WHRN: variants seen among roughly 807,000 people sequenced by gnomAD.
The protein encoded by WHRN is CASK-interacting protein CIP98.
Under a neutral mutation model 68.3 loss-of-function variants are expected in WHRN, and 41 were observed. The observed-to-expected ratio is 0.60, with a 90% CI of 0.47 to 0.78. The LOEUF is 0.78. Among genes scored for constraint, WHRN ranks in the 30% least tolerant of loss-of-function variants. WHRN has a pLI of 0.00. For synonymous variants in WHRN, 560 were observed against 561.3 expected (o/e 1.00, Z 0.03); for missense variants, 1,243 against 1,244.7 (o/e 1.00, Z 0.02).
intron 4 of WHRN, chr9:114,425,951 G>A: frequency 1.8e-6 from 1 of 546,906 alleles, no homozygotes; most frequent in Non-Finnish European, 3.3e-6. Flanking sequence ...AAGCAACTAA[G>A]GTCTATAGAA....
intron 3 of WHRN, among the ~76,000 whole-genome samples, chr9:114,463,953 C>T (rs546814534): frequency 2.0e-5 from 3 of 152,092 alleles, no homozygotes; most frequent in Admixed American, 6.5e-5. Flanking sequence ...TGCAACTCTC[C>T]GAGCCTCACC....
intron 3 of WHRN, among the ~76,000 whole-genome samples, chr9:114,450,543 G>A (rs909693659): frequency 1.3e-4 from 20 of 152,110 alleles, no homozygotes; most frequent in Admixed American, 4.6e-4. Flanking sequence ...AGACTCATGC[G>A]GTTACCTTAC....
intron 3 of WHRN, among the ~76,000 whole-genome samples, chr9:114,455,538 C>G (rs951047007): frequency 6.6e-6 from 1 of 151,872 alleles, no homozygotes; most frequent in Non-Finnish European, 1.5e-5. Flanking sequence ...TGACAAAACT[C>G]TTTCTGTACA....
intron 7 of WHRN, among the ~76,000 whole-genome samples, chr9:114,414,862 G>A (rs574476249): frequency 8.5e-5 from 13 of 152,188 alleles, no homozygotes; most frequent in Admixed American, 7.9e-4. Flanking sequence ...TATCATCCTC[G>A]ATATGCCCTC....
chr9:114,416,691 A>C (rs1357921307), intron 7 of WHRN, among the ~76,000 whole-genome samples: 2 of 152,192 alleles, frequency 1.3e-5, no homozygotes, highest in Non-Finnish European at 2.9e-5. Flanking sequence ...TAAATTTCCC[A>C]GTCTCAGGCA....
At chr9:114,481,317 G>T (rs1039300280) in intron 1 of WHRN, among the ~76,000 whole-genome samples, 2 of 152,236 alleles carry the variant, frequency 1.3e-5, no homozygotes, top group South Asian at 4.1e-4. Flanking sequence ...CGAGGATGGC[G>T]TCTCTCCAAA....
chr9:114,438,312 A>G (rs1014342089), intron 3 of WHRN, among the ~76,000 whole-genome samples: 10 of 152,164 alleles, frequency 6.6e-5, no homozygotes, highest in Non-Finnish European at 1.3e-4. Context: ...ACATCAAGGT[A>G]CCATTTCTCA....
At chr9:114,430,538 C>T (rs1219371346) in intron 3 of WHRN, among the ~76,000 whole-genome samples, 2 of 152,142 alleles carry the variant, frequency 1.3e-5, no homozygotes, top group Non-Finnish European at 2.9e-5. Flanking sequence ...ACTTCCCTCA[C>T]CCTGAGCCTG....
chr9:114,424,582 A>T (rs1836640743), intron 5 of WHRN, 36 bp from the exon 6 acceptor site: 1 of 1,570,490 alleles, frequency 6.4e-7, no homozygotes, highest in South Asian at 1.2e-5. Context: ...AGGAATTCTT[A>T]GCTGCTCTAG....
intron 3 of WHRN, among the ~76,000 whole-genome samples, chr9:114,444,592 C>T (rs1838658819): frequency 1.3e-5 from 2 of 152,060 alleles, no homozygotes; most frequent in Non-Finnish European, 2.9e-5. Flanking sequence ...ATCTCCATTC[C>T]TGAAATCTAA....
intron 3 of WHRN, among the ~76,000 whole-genome samples, chr9:114,450,640 G>A (rs780572959): frequency 9.9e-5 from 15 of 152,070 alleles, no homozygotes; most frequent in Non-Finnish European, 1.6e-4. Flanking sequence ...GAGATTCTCT[G>A]GCTACATCTT....
At position 114,469,168 on chromosome 9, in the gene WHRN, C is replaced by G. The variant is rs11790071; in HGVS notation, c.838-2776G>C. On this transcript the variant is annotated intron_variant, in intron 2 of 11. Transcript: ENST00000362057. ...CTAGGAAACAGTGGCTGTCGTTATC[C>G]TCACAGTGGCATCTCAGCCAAGCCA... 8.0e-3 allele frequency among the ~76,000 whole-genome samples: 1,219 copies of G among 152,338 alleles called. 9 individuals are homozygous for G. Among genetic ancestry groups the G allele is most frequent in the Non-Finnish European group, 0.011 (744 of 68,034 alleles).
chr9:114,487,671 A>G (rs538834604), intron 1 of WHRN, among the ~76,000 whole-genome samples: 17 of 146,940 alleles, frequency 1.2e-4, no homozygotes, highest in Admixed American at 1.1e-3. Flanking sequence ...GGAATTCCTG[A>G]AGCCATAGGC....
intron 7 of WHRN, among the ~76,000 whole-genome samples, chr9:114,417,391 T>G (rs1835892599): frequency 6.6e-6 from 1 of 152,174 alleles, no homozygotes. Context: ...CAAAGAACAT[T>G]TTCCTACCAT....
chr9:114,492,584 A>G (rs181608861), intron 1 of WHRN, among the ~76,000 whole-genome samples: 65 of 152,340 alleles, frequency 4.3e-4, no homozygotes, highest in Non-Finnish European at 8.8e-4. Context: ...AGATGCACAC[A>G]GGGTACTCTA....
At chr9:114,468,011 G>A (rs1211467543) in intron 2 of WHRN, among the ~76,000 whole-genome samples, 1 of 152,190 alleles carries the variant, frequency 6.6e-6, no homozygotes. Context: ...CTTTAAATGT[G>A]TTATCTCATT....
chr9:114,469,609 C>A (rs1841025432), intron 2 of WHRN, among the ~76,000 whole-genome samples: 1 of 152,198 alleles, frequency 6.6e-6, no homozygotes, highest in African/African-American at 2.4e-5. Context: ...CCTCTGCAGG[C>A]CATCCCAGCT....
chr9:114,460,790 A>C (rs1436090877), intron 3 of WHRN, among the ~76,000 whole-genome samples: 1 of 152,200 alleles, frequency 6.6e-6, no homozygotes, highest in African/African-American at 2.4e-5. Flanking sequence ...CAAAAGGCAC[A>C]TTTTCTCTCC....
intron 10 of WHRN, 59 bp downstream of exon 10, chr9:114,403,837 T>C: frequency 1.3e-6 from 2 of 1,598,308 alleles, no homozygotes; most frequent in Non-Finnish European, 1.7e-6. Context: ...GGACCTCCCA[T>C]TCTGTGCCTG....
Sources: gnomAD v4.1 joint callset for allele counts (sites outside exome capture counted in the v4.1 genomes callset) on GRCh38, gnomAD v4.1.1 for gene constraint, MANE v1.5 for transcripts, NCBI Gene and HGNC (gene_info 2026-07-23, HGNC 2026-07-21) for gene names.